Variants in MS4A18 observed in about 807,000 individuals in gnomAD.
MS4A18 encodes membrane-spanning 4-domains subfamily A member 18.
Under a neutral mutation model 13.1 loss-of-function variants are expected in MS4A18, and 27 were observed. The observed-to-expected ratio is 2.06, with a 90% CI of 1.52 to 2.84. The LOEUF is 2.84. MS4A18 is among the 30% of genes most tolerant of loss of function. The pLI is 0.00. For synonymous variants in MS4A18, 126 were observed against 76.5 expected (o/e 1.65, Z -3.38); for missense variants, 307 against 196.4 (o/e 1.56, Z -3.37).
chr11:60,737,828 G>A (rs1056870450), intron 3 of MS4A18, among the ~76,000 whole-genome samples: 2 of 152,162 alleles, frequency 1.3e-5, no homozygotes, highest in East Asian at 3.9e-4. Context: ...CTAACAGAGG[G>A]TTTCCCAATT....
At chr11:60,734,398 G>T (rs1217199057) in intron 2 of MS4A18, among the ~76,000 whole-genome samples, 4 of 152,218 alleles carry the variant, frequency 2.6e-5, no homozygotes, top group African/African-American at 7.2e-5. Context: ...CAAACCATTT[G>T]GTAGCAGGAA....
chr11:60,733,423 A>G, intron 1 of MS4A18, 111 bp from the exon 3 acceptor site: 1 of 672,386 alleles, frequency 1.5e-6, no homozygotes, highest in Admixed American at 2.1e-5. Flanking sequence ...TGAGCCCCCA[A>G]CACCAATCAC....
In MS4A18 at chr11:60,739,015, A is replaced by T. The variant is rs1228881762; in HGVS notation, c.744+18A>T. On this transcript the variant is annotated intron_variant, in intron 4 of 5. Transcript: ENST00000529108. The stretch of plus-strand genomic sequence containing the variant: ...ATGTGACGGTGAGCATCTGACTGCC[A>T]GGGCCCCGTGCTGCCAAAGGACCAG... The T allele has an allele frequency of 1.4e-5, 10 of 702,644 alleles. No individual in the cohort carries two copies. In the Admixed American group the frequency reaches 1.8e-4, roughly 13 times the overall value. 43.5% of individuals were successfully genotyped at this position (702,644 alleles called of 1,614,324 possible).
In MS4A18 at chr11:60,741,343, T is replaced by A. The variant is rs191264307; in HGVS notation, c.858+200T>A. Among the ~76,000 whole-genome samples the A allele has an allele frequency of 1.2e-3, 188 of 152,332 alleles. 2 individuals carry two copies. The highest frequency in any genetic ancestry group is 3.1e-4 in the Non-Finnish European group (21 of 68,030). ...TATTCTGTGCATCATCAGCTTGGGC[T>A]ATGATCAGTGGGTAGCTCTTCTGTT... is the stretch of plus-strand genomic sequence containing the variant. On this transcript the variant is annotated intron_variant, in intron 5 of 5. Coordinates refer to ENST00000529108, the Ensembl canonical transcript of MS4A18.
chr11:60,729,058 C>A (rs528195363), upstream of MS4A18, among the ~76,000 whole-genome samples: 6 of 152,194 alleles, frequency 3.9e-5, no homozygotes, highest in Non-Finnish European at 5.9e-5. Context: ...GCAAAGCCAC[C>A]ATCCAGACTG....
intron 2 of MS4A18, among the ~76,000 whole-genome samples, 163 bp downstream of exon 3, chr11:60,733,810 C>T (rs1005048553): frequency 2.0e-5 from 3 of 152,120 alleles, no homozygotes; most frequent in African/African-American, 7.2e-5. Context: ...CAACTCCCTG[C>T]CCCAGCAACA....
chr11:60,737,599 T>C (rs1853360484), intron 3 of MS4A18, among the ~76,000 whole-genome samples: 1 of 152,212 alleles, frequency 6.6e-6, no homozygotes, highest in South Asian at 2.1e-4. Context: ...TTTGGGGCAT[T>C]TATTCTCTGT....
intron 2 of MS4A18, among the ~76,000 whole-genome samples, chr11:60,735,383 G>A (rs1008468553): frequency 1.0e-4 from 15 of 148,738 alleles, no homozygotes; most frequent in African/African-American, 3.7e-4. Flanking sequence ...GCCCAGGCTG[G>A]AGTGCAGTGG....
intron 1 of MS4A18, among the ~76,000 whole-genome samples, chr11:60,732,730 C>CAAAAAAA (rs200295786): frequency 2.8e-5 from 2 of 71,004 alleles, no homozygotes; most frequent in African/African-American, 4.6e-5. Flanking sequence ...GACTCCGTCT[C>CAAAAAAA]AAAAAAAAAA....
intron 1 of MS4A18, among the ~76,000 whole-genome samples, chr11:60,730,267 C>G (rs1418575322): frequency 6.6e-6 from 1 of 152,228 alleles, no homozygotes; most frequent in Non-Finnish European, 1.5e-5. Flanking sequence ...ATCAAGGGGG[C>G]CTCTGCCTCT....
At position 60,739,527 on chromosome 11, in the gene MS4A18, G is replaced by A. The variant is rs558487154; in HGVS notation, c.744+530G>A. 3.2e-3 allele frequency among the ~76,000 whole-genome samples: 488 copies of A among 152,274 alleles called. 2 individuals carry two copies. Among genetic ancestry groups the A allele is most frequent in the African/African-American group, 0.011 (451 of 41,548 alleles). Reference sequence around the variant, plus strand: ...AAGGAGAGGAAGCTGCACTATAAACGTATTATCCGGCAAGGACCCCTGGAG... The same window carrying A: ...AAGGAGAGGAAGCTGCACTATAAACATATTATCCGGCAAGGACCCCTGGAG... On this transcript the variant is annotated intron_variant, in intron 4 of 5. Transcript: ENST00000529108.
At chr11:60,734,010 G>A (rs1853298189) in intron 2 of MS4A18, among the ~76,000 whole-genome samples, 1 of 152,122 alleles carries the variant, frequency 6.6e-6, no homozygotes, top group Non-Finnish European at 1.5e-5. Flanking sequence ...TTGGGAGGCC[G>A]AGGTAGGTGA....
chr11:60,732,526 G>A (rs1048395393), intron 1 of MS4A18, among the ~76,000 whole-genome samples: 5 of 151,752 alleles, frequency 3.3e-5, no homozygotes, highest in African/African-American at 4.8e-5. Context: ...TCAGGAGATC[G>A]AGACCATCCT....
upstream of MS4A18, among the ~76,000 whole-genome samples, chr11:60,728,721 T>C (rs939821346): frequency 6.6e-6 from 1 of 151,690 alleles, no homozygotes; most frequent in Admixed American, 6.6e-5. Context: ...TTTCCCTCTC[T>C]CTCTCCTTCT....
chr11:60,728,373 C>G (rs552147919), upstream of MS4A18, among the ~76,000 whole-genome samples: 3 of 151,572 alleles, frequency 2.0e-5, no homozygotes, highest in Non-Finnish European at 2.9e-5. Context: ...CATCAAAGAC[C>G]AAGGTAGTAT....
At chr11:60,741,612 C>T (rs183570912) in intron 5 of MS4A18, among the ~76,000 whole-genome samples, 3 of 152,220 alleles carry the variant, frequency 2.0e-5, no homozygotes, top group Non-Finnish European at 4.4e-5. Context: ...GTCACATGGC[C>T]GAACCCAGAT....
At chr11:60,735,461 G>A (rs7950887) in intron 2 of MS4A18, among the ~76,000 whole-genome samples, 21,339 of 147,720 alleles carry the variant, frequency 0.14, 1,703 homozygotes, top group East Asian at 0.26. Flanking sequence ...AGCCTCCAGA[G>A]TAGCTGGGAC....
At chr11:60,729,850 G>A (rs535806919) in intron 1 of MS4A18, 64 bp downstream of exon 2, 2 of 641,684 alleles carry the variant, frequency 3.1e-6, no homozygotes, top group Admixed American at 4.5e-5. Context: ...TAGTGCTCTG[G>A]GATGAGGAAG....
chr11:60,728,092 C>G (rs542467007), upstream of MS4A18, among the ~76,000 whole-genome samples: 15 of 152,188 alleles, frequency 9.9e-5, no homozygotes, highest in South Asian at 3.1e-3. Context: ...GGTCGCAATC[C>G]CAACACCAAC....
Sources: gnomAD v4.1 joint callset for allele counts (sites outside exome capture counted in the v4.1 genomes callset) on GRCh38, gnomAD v4.1.1 for gene constraint, MANE v1.5 for transcripts, NCBI Gene and HGNC (gene_info 2026-07-23, HGNC 2026-07-21) for gene names.